Variants in GALNT10 observed in about 807,000 individuals in gnomAD.
GALNT10 encodes the protein GalNAc transferase 10.
Under a neutral mutation model 75.0 loss-of-function variants are expected in GALNT10, and 41 were observed. The ratio of observed to expected loss-of-function variants is 0.55; its 90% CI spans 0.43 to 0.71. The LOEUF is 0.71. Among genes scored for constraint, GALNT10 ranks in the 30% least tolerant of loss-of-function variants. The pLI is 0.00. For missense variants in GALNT10, 727 were observed against 818.5 expected (o/e 0.89, Z 1.36); for synonymous variants, 302 against 313.0 (o/e 0.96, Z 0.37).
chr5:154,193,743 C>T (rs1271499977), intron 1 of GALNT10, among the ~76,000 whole-genome samples: 1 of 152,228 alleles, frequency 6.6e-6, no homozygotes, highest in African/African-American at 2.4e-5. Flanking sequence ...AGTCCTCTAA[C>T]TCCTTGATTT....
At chr5:154,218,726 G>C (rs961331477) in intron 1 of GALNT10, among the ~76,000 whole-genome samples, 3 of 151,984 alleles carry the variant, frequency 2.0e-5, no homozygotes, top group African/African-American at 4.8e-5. Flanking sequence ...GACAGAATTG[G>C]GGGGAGAGGG....
intron 1 of GALNT10, among the ~76,000 whole-genome samples, chr5:154,199,941 G>A (rs1015181326): frequency 6.6e-6 from 1 of 152,206 alleles, no homozygotes; most frequent in Non-Finnish European, 1.5e-5. Flanking sequence ...TTAAATAACA[G>A]TTGTGAGGAT....
Position 154,204,401 on chromosome 5 carries a change from C to T in GALNT10, c.159+13376C>T, listed in dbSNP as rs77867053. Among the ~76,000 whole-genome samples, 231 of 152,306 alleles carry T rather than the reference C, an allele frequency of 1.5e-3. 1 individual carries two copies. The highest frequency in any genetic ancestry group is 4.8e-3 in the African/African-American group (199 of 41,578). Reference sequence around the variant, plus strand: ...CTACCTCCACCCTGAAATCATAGTCCATTCTTTATGCACAGCCCAAGTACA... The same window carrying T: ...CTACCTCCACCCTGAAATCATAGTCTATTCTTTATGCACAGCCCAAGTACA... On this transcript the variant is annotated intron_variant, in intron 1 of 11. Coordinates refer to ENST00000297107, the MANE Select transcript of GALNT10 (RefSeq NM_198321.4).
At chr5:154,191,604 A>T (rs1228881197) in intron 1 of GALNT10, among the ~76,000 whole-genome samples, 1 of 151,996 alleles carries the variant, frequency 6.6e-6, no homozygotes, top group African/African-American at 2.4e-5. Flanking sequence ...GATCCTGTGG[A>T]TTCCTTGCAG....
At chr5:154,307,492 C>T (rs919947848) in intron 3 of GALNT10, among the ~76,000 whole-genome samples, 2 of 151,818 alleles carry the variant, frequency 1.3e-5, no homozygotes, top group East Asian at 1.9e-4. Flanking sequence ...TGGTGGCAGG[C>T]GCCTGTAGTC....
intron 7 of GALNT10, among the ~76,000 whole-genome samples, chr5:154,391,851 C>T (rs1755902952): frequency 7.2e-6 from 1 of 139,306 alleles, no homozygotes; most frequent in Non-Finnish European, 1.5e-5. Context: ...CATGGAGATC[C>T]TCAGCAGCCC....
chr5:154,297,314 C>T (rs1754291242), intron 2 of GALNT10, among the ~76,000 whole-genome samples: 1 of 152,170 alleles, frequency 6.6e-6, no homozygotes, highest in Non-Finnish European at 1.5e-5. Flanking sequence ...TTGTTTGCTG[C>T]CCTAAAAACA....
At chr5:154,344,350 T>G (rs1755086716) in intron 4 of GALNT10, among the ~76,000 whole-genome samples, 1 of 151,960 alleles carries the variant, frequency 6.6e-6, no homozygotes, top group African/African-American at 2.4e-5. Flanking sequence ...TAGCTGGGAT[T>G]ACAGGCGCGC....
At chr5:154,343,530 A>C (rs772008982) in intron 4 of GALNT10, among the ~76,000 whole-genome samples, 1 of 152,044 alleles carries the variant, frequency 6.6e-6, no homozygotes, top group Non-Finnish European at 1.5e-5. Context: ...TCTCTAAATT[A>C]CCATAATCAC....
chr5:154,315,523 C>T (rs116763170), intron 3 of GALNT10, among the ~76,000 whole-genome samples: 1,798 of 152,310 alleles, frequency 0.012, 34 homozygotes, highest in African/African-American at 0.041. Flanking sequence ...CCCTCATTAG[C>T]TCTGTGACAT....
At chr5:154,225,854 G>A (rs1248916294) in intron 1 of GALNT10, among the ~76,000 whole-genome samples, 2 of 71,886 alleles carry the variant, frequency 2.8e-5, no homozygotes, top group East Asian at 2.1e-3. Flanking sequence ...AAAGAGTTTC[G>A]TATTATTTCT....
At chr5:154,365,361 C>T (rs755738410) in intron 4 of GALNT10, among the ~76,000 whole-genome samples, 51 of 152,150 alleles carry the variant, frequency 3.4e-4, no homozygotes, top group Non-Finnish European at 5.4e-4. Flanking sequence ...TACAATCTTT[C>T]TTTAGGTTGC....
At chr5:154,297,919 C>G (rs989595171) in intron 2 of GALNT10, 22 bp from the exon 3 acceptor site, 26 of 1,608,314 alleles carry the variant, frequency 1.6e-5, no homozygotes, top group Non-Finnish European at 2.1e-5. Flanking sequence ...TTAGCAACAT[C>G]GAATTTGCTC....
chr5:154,215,551 T>A (rs892777027), intron 1 of GALNT10, among the ~76,000 whole-genome samples: 8 of 152,228 alleles, frequency 5.3e-5, no homozygotes, highest in Non-Finnish European at 1.2e-4. Context: ...GCTCCAGGGA[T>A]GTGGAGGTCA....
At chr5:154,403,944 T>C in intron 7 of GALNT10, 160 bp from the exon 8 acceptor site, 3 of 698,696 alleles carry the variant, frequency 4.3e-6, no homozygotes, top group South Asian at 1.6e-5. Flanking sequence ...ACCGCTGTTA[T>C]TATATTACTG....
In GALNT10 at chr5:154,226,764, C is replaced by A. The variant is rs1446567947; in HGVS notation, c.159+35739C>A. Reference sequence around the variant, plus strand: ...CTATACACCCATGAAAACATCACCACCTCAAGAAAATGACTATATCCATCA... The same window carrying A: ...CTATACACCCATGAAAACATCACCAACTCAAGAAAATGACTATATCCATCA... On this transcript the variant is annotated intron_variant, in intron 1 of 11. Coordinates refer to ENST00000297107, the MANE Select transcript of GALNT10 (RefSeq NM_198321.4). Among the ~76,000 whole-genome samples, 4 of 152,160 alleles carry A rather than the reference C, an allele frequency of 2.6e-5. 1 individual carries two copies. Among genetic ancestry groups the A allele is most frequent in the Admixed American group, 2.6e-4 (4 of 15,270 alleles).
intron 1 of GALNT10, among the ~76,000 whole-genome samples, chr5:154,224,021 A>G (rs533084945): frequency 1.2e-4 from 19 of 152,340 alleles, no homozygotes; most frequent in Middle Eastern, 3.4e-3. Context: ...TCTGTTGACT[A>G]TAGCCTCATT....
intron 7 of GALNT10, among the ~76,000 whole-genome samples, chr5:154,396,957 T>C (rs960823688): frequency 1.3e-5 from 2 of 151,836 alleles, no homozygotes; most frequent in Non-Finnish European, 2.9e-5. Flanking sequence ...GGAAAACCTG[T>C]CTCTACTAAA....
At chr5:154,206,308 C>T (rs12652301) in intron 1 of GALNT10, among the ~76,000 whole-genome samples, 67,346 of 152,054 alleles carry the variant, frequency 0.44, 15,766 homozygotes, top group East Asian at 0.78. Context: ...TACATACTGC[C>T]TTTCACTTAA....
Sources: gnomAD v4.1 joint callset for allele counts (sites outside exome capture counted in the v4.1 genomes callset) on GRCh38, gnomAD v4.1.1 for gene constraint, MANE v1.5 for transcripts, NCBI Gene and HGNC (gene_info 2026-07-23, HGNC 2026-07-21) for gene names.